NTRK3: variants seen among roughly 807,000 people sequenced by gnomAD.
The protein encoded by NTRK3 is neurotrophic receptor tyrosine kinase 3.
In NTRK3, 24 loss-of-function variants were observed where a neutral mutation model predicts 91.7. The observed-to-expected ratio is 0.26, with a 90% CI of 0.19 to 0.37. The LOEUF is 0.37. NTRK3 is among the 10% of genes least tolerant of loss of function. The pLI, the probability that NTRK3 is intolerant of heterozygous loss-of-function variation, is 1.00. For missense variants in NTRK3, 880 were observed against 1,068.9 expected, an observed-to-expected ratio of 0.82 and a Z score of 2.46; for synonymous variants, 483 against 404.0, an observed-to-expected ratio of 1.20 and a Z score of -2.34.
chr15:87,967,056 T>C (rs552579770), intron 14 of NTRK3, among the ~76,000 whole-genome samples: 1 of 152,314 alleles, frequency 6.6e-6, no homozygotes, highest in Non-Finnish European at 1.5e-5. Context: ...AAGCTCTTGA[T>C]GACAGGAAAT....
intron 13 of NTRK3, among the ~76,000 whole-genome samples, chr15:88,093,955 G>A (rs1175057195): frequency 1.3e-5 from 2 of 152,174 alleles, no homozygotes; most frequent in Non-Finnish European, 2.9e-5. Context: ...GAGGCTTGGG[G>A]AGGGCAAACA....
chr15:88,200,961 T>C (rs2048254790), intron 3 of NTRK3, among the ~76,000 whole-genome samples: 1 of 152,192 alleles, frequency 6.6e-6, no homozygotes, highest in Admixed American at 6.5e-5. Context: ...CACACCATCA[T>C]CTTTCCTTTT....
chr15:88,195,849 T>C (rs1342788462), intron 3 of NTRK3, among the ~76,000 whole-genome samples: 1 of 152,188 alleles, frequency 6.6e-6, no homozygotes, highest in African/African-American at 2.4e-5. Flanking sequence ...AATCCAATAG[T>C]GCGAGCTCTG....
intron 3 of NTRK3, among the ~76,000 whole-genome samples, chr15:88,193,761 C>T (rs2047597827): frequency 2.0e-5 from 3 of 152,202 alleles, no homozygotes. Context: ...CTCTTCTCTA[C>T]CCTCAACTGT....
At chr15:87,890,746 A>T (rs2065814534) in intron 17 of NTRK3, among the ~76,000 whole-genome samples, 1 of 152,108 alleles carries the variant, frequency 6.6e-6, no homozygotes, top group South Asian at 2.1e-4. Context: ...TTGCTTTCTG[A>T]CATAAAATAA....
chr15:88,039,773 C>CAAAG (rs974565445), intron 13 of NTRK3, among the ~76,000 whole-genome samples: 1 of 152,218 alleles, frequency 6.6e-6, no homozygotes, highest in Non-Finnish European at 1.5e-5. Context: ...ATACATTGAA[C>CAAAG]AAAGGAGACA....
At chr15:88,076,328 G>C (rs1377569378) in intron 13 of NTRK3, among the ~76,000 whole-genome samples, 1 of 152,102 alleles carries the variant, frequency 6.6e-6, no homozygotes, top group Non-Finnish European at 1.5e-5. Context: ...CTCCCACTGA[G>C]TCCCTCCCAC....
intron 10 of NTRK3, among the ~76,000 whole-genome samples, chr15:88,131,602 G>A (rs2041355420): frequency 2.0e-5 from 3 of 152,238 alleles, no homozygotes; most frequent in East Asian, 1.9e-4. Flanking sequence ...TGAGAGAAGA[G>A]AGGTGCCAGA....
At chr15:88,033,591 G>A (rs1188562864) in intron 13 of NTRK3, among the ~76,000 whole-genome samples, 2 of 152,134 alleles carry the variant, frequency 1.3e-5, no homozygotes, top group African/African-American at 2.4e-5. Flanking sequence ...GATTACAGGT[G>A]TGAGTCATCA....
At chr15:88,250,516 G>A (rs953949837) in intron 3 of NTRK3, among the ~76,000 whole-genome samples, 8 of 152,334 alleles carry the variant, frequency 5.3e-5, no homozygotes, top group South Asian at 2.1e-4. Context: ...CTAGACCATC[G>A]TTTCATAAGA....
chr15:88,094,808 T>C (rs1418805418), intron 13 of NTRK3, among the ~76,000 whole-genome samples: 1 of 152,204 alleles, frequency 6.6e-6, no homozygotes, highest in Admixed American at 6.5e-5. Context: ...GGGAATGACT[T>C]AGACAGTGGG....
intron 17 of NTRK3, among the ~76,000 whole-genome samples, chr15:87,906,221 A>G (rs902281591): frequency 3.3e-5 from 5 of 152,206 alleles, no homozygotes; most frequent in African/African-American, 1.2e-4. Context: ...AACTATAATA[A>G]TGTCTTCATG....
rs1006626538 is a variant in NTRK3 at position 88,084,060 on chromosome 15, G to T, written c.1396+42211C>A. Reference sequence around the variant, plus strand: ...ACTTAACTCATCAACATGCTGTTTTGTAAGAGCCATTTCATGTCCAAGTGC... The same window carrying T: ...ACTTAACTCATCAACATGCTGTTTTTTAAGAGCCATTTCATGTCCAAGTGC... On this transcript the variant is annotated intron_variant, in intron 13 of 18. Transcript: ENST00000394480. 5.4e-5 allele frequency among the ~76,000 whole-genome samples: 8 copies of T among 147,794 alleles called. No individual in the cohort carries two copies. In the South Asian group the frequency reaches 1.5e-3, roughly 28 times the overall value.
exon 19 of NTRK3, chr15:87,873,056 T>C (rs2064864420): frequency 3.9e-5 from 9 of 232,996 alleles, no homozygotes; most frequent in Non-Finnish European, 7.6e-5. Context: ...TACTTCTGAG[T>C]TGAGTCTCGT....
chr15:87,948,948 G>T (rs1444589972), intron 14 of NTRK3, among the ~76,000 whole-genome samples: 3 of 152,124 alleles, frequency 2.0e-5, no homozygotes, highest in South Asian at 4.1e-4. Context: ...TTACAAAGAG[G>T]CTTTGAAGGG....
At chr15:87,927,848 C>T (rs1172025607) in intron 17 of NTRK3, 2 of 152,142 alleles carry the variant, frequency 1.3e-5, no homozygotes, top group East Asian at 3.8e-4. Context: ...ATCCCATCTG[C>T]GGTATTTGTT....
intron 10 of NTRK3, among the ~76,000 whole-genome samples, chr15:88,131,564 T>G (rs1372596812): frequency 6.6e-6 from 1 of 152,142 alleles, no homozygotes; most frequent in Non-Finnish European, 1.5e-5. Context: ...ATGGAGGAAA[T>G]GGAAGCTCTA....
chr15:88,189,015 T>C (rs1379818330), intron 3 of NTRK3, among the ~76,000 whole-genome samples: 1 of 152,216 alleles, frequency 6.6e-6, no homozygotes, highest in African/African-American at 2.4e-5. Context: ...AAGAGCTAGT[T>C]GGGCACCACT....
chr15:88,226,104 C>T (rs546128297), intron 3 of NTRK3, among the ~76,000 whole-genome samples: 5 of 152,340 alleles, frequency 3.3e-5, no homozygotes, highest in Admixed American at 2.0e-4. Flanking sequence ...CAACACCAGG[C>T]AAGTCCTCTT....
Sources: gnomAD v4.1 joint callset for allele counts (sites outside exome capture counted in the v4.1 genomes callset) on GRCh38, gnomAD v4.1.1 for gene constraint, MANE v1.5 for transcripts, NCBI Gene and HGNC (gene_info 2026-07-23, HGNC 2026-07-21) for gene names.